Variants in MAP3K7 observed in about 807,000 individuals in gnomAD.
The protein encoded by MAP3K7 is TGF-beta activated kinase 1.
Under a neutral mutation model 84.8 loss-of-function variants are expected in MAP3K7, and 21 were observed. The observed-to-expected ratio is 0.25, with a 90% CI of 0.18 to 0.36. The LOEUF (loss-of-function observed/expected upper bound fraction) is 0.36, where lower values mean the gene tolerates loss of function less well. Ranked by LOEUF, MAP3K7 falls within the 10% of genes least tolerant of loss-of-function variation. The probability of loss-of-function intolerance (pLI) is 1.00; values close to 1 mark genes in which losing one functional copy is unlikely to be tolerated. For missense variants in MAP3K7, 503 were observed against 747.7 expected (o/e 0.67, Z 3.82); for synonymous variants, 241 against 247.7 (o/e 0.97, Z 0.25).
At chr6:90,573,789 A>C (rs1405912325) in intron 1 of MAP3K7, among the ~76,000 whole-genome samples, 1 of 152,226 alleles carries the variant, frequency 6.6e-6, no homozygotes, top group Non-Finnish European at 1.5e-5. Flanking sequence ...GCTTAAAGGA[A>C]ATGGGGCTGC....
At chr6:90,570,033 T>C (rs1043153734) in intron 2 of MAP3K7, among the ~76,000 whole-genome samples, 1 of 152,116 alleles carries the variant, frequency 6.6e-6, no homozygotes, top group East Asian at 1.9e-4. Flanking sequence ...TTTATTATAT[T>C]TATTTACTAT....
At chr6:90,583,518 T>C (rs1777347571) in intron 1 of MAP3K7, among the ~76,000 whole-genome samples, 2 of 152,340 alleles carry the variant, frequency 1.3e-5, no homozygotes, top group Non-Finnish European at 2.9e-5. Flanking sequence ...GGTCACCAAC[T>C]GAATTCTATA....
chr6:90,523,416 G>A (rs774223523), intron 14 of MAP3K7, among the ~76,000 whole-genome samples: 17 of 151,522 alleles, frequency 1.1e-4, no homozygotes, highest in South Asian at 2.1e-4. Context: ...AATACGCTTC[G>A]CAACTGGAAA....
At chr6:90,530,878 T>C (rs1775486725) in intron 13 of MAP3K7, among the ~76,000 whole-genome samples, 2 of 152,310 alleles carry the variant, frequency 1.3e-5, no homozygotes, top group South Asian at 4.1e-4. Flanking sequence ...AGTACTTATT[T>C]TTTAAAATCA....
chr6:90,582,149 T>C (rs751354228), intron 1 of MAP3K7, among the ~76,000 whole-genome samples: 1 of 152,200 alleles, frequency 6.6e-6, no homozygotes, highest in Non-Finnish European at 1.5e-5. Context: ...ACTCATAGCA[T>C]CTGGCCCTTT....
intron 12 of MAP3K7, among the ~76,000 whole-genome samples, chr6:90,540,607 T>C (rs1775825104): frequency 6.6e-6 from 1 of 151,960 alleles, no homozygotes; most frequent in African/African-American, 2.4e-5. Flanking sequence ...AGGTGGTAAG[T>C]ATATATGTAT....
intron 13 of MAP3K7, among the ~76,000 whole-genome samples, chr6:90,525,372 T>C (rs1167029753): frequency 6.6e-6 from 1 of 152,122 alleles, no homozygotes; most frequent in Non-Finnish European, 1.5e-5. Context: ...TTTTTTTTTG[T>C]AGAAATGGGT....
intron 1 of MAP3K7, among the ~76,000 whole-genome samples, chr6:90,576,729 G>T (rs1777096679): frequency 1.3e-5 from 2 of 152,132 alleles, no homozygotes; most frequent in African/African-American, 4.8e-5. Context: ...TATGCACTCT[G>T]CCTCACTCCA....
At chr6:90,556,802 A>G (rs1270948022) in intron 5 of MAP3K7, among the ~76,000 whole-genome samples, 178 bp from the exon 6 acceptor site, 1 of 152,210 alleles carries the variant, frequency 6.6e-6, no homozygotes, top group East Asian at 1.9e-4. Context: ...CAGAGAAATA[A>G]TAAGCAAAAA....
At chr6:90,552,408 C>G (rs1776211242) in intron 7 of MAP3K7, among the ~76,000 whole-genome samples, 1 of 152,132 alleles carries the variant, frequency 6.6e-6, no homozygotes, top group Admixed American at 6.5e-5. Flanking sequence ...AGAAAGCAAG[C>G]AAGCAAGCTG....
chr6:90,527,151 G>A (rs974846023), intron 13 of MAP3K7, among the ~76,000 whole-genome samples: 2 of 152,120 alleles, frequency 1.3e-5, no homozygotes, highest in Non-Finnish European at 2.9e-5. Context: ...ACAGATTAAA[G>A]GACAAAACCT....
At chr6:90,530,143 T>C (rs1215972371) in intron 13 of MAP3K7, among the ~76,000 whole-genome samples, 1 of 152,210 alleles carries the variant, frequency 6.6e-6, no homozygotes, top group African/African-American at 2.4e-5. Flanking sequence ...ATAACTGCTA[T>C]TATAAATCAA....
chr6:90,544,457 T>C lies in MAP3K7; in HGVS notation c.1291+95A>G. On this transcript the variant is annotated intron_variant, in intron 12 of 16. Transcript: ENST00000369329. Reference sequence around the variant, plus strand: ...TGCATGCAAGGTATCCATTTTCATGTCTTGTAAAAATTGGAGCAAGAAGCA... The same window carrying C: ...TGCATGCAAGGTATCCATTTTCATGCCTTGTAAAAATTGGAGCAAGAAGCA... 3.8e-6 allele frequency: 4 copies of C among 1,042,502 alleles called. No individual in the cohort carries two copies. The East Asian group carries it at 9.6e-5, about 25-fold the overall frequency. The allele number at this position is 1,042,502 out of a possible 1,614,324, so 64.6% of individuals were successfully genotyped here.
At chr6:90,569,986 T>C (rs1196188252) in intron 2 of MAP3K7, among the ~76,000 whole-genome samples, 1 of 152,132 alleles carries the variant, frequency 6.6e-6, no homozygotes, top group Non-Finnish European at 1.5e-5. Flanking sequence ...AGAGCCAACA[T>C]GTGTGGATTT....
intron 13 of MAP3K7, 37 bp downstream of exon 13, chr6:90,536,300 T>C (rs1775675397): frequency 1.3e-6 from 2 of 1,528,370 alleles, no homozygotes; most frequent in African/African-American, 1.4e-5. Flanking sequence ...TTCTGCCTAG[T>C]ATTCTTCAAA....
intron 13 of MAP3K7, among the ~76,000 whole-genome samples, chr6:90,535,505 CAT>C (rs1775642483): frequency 6.6e-6 from 1 of 151,842 alleles, no homozygotes; most frequent in Non-Finnish European, 1.5e-5. Context: ...ATGCTGCTCT[CAT>C]AAAACTTATT....
At chr6:90,573,475 A>G (rs1776973248) in intron 1 of MAP3K7, among the ~76,000 whole-genome samples, 2 of 152,360 alleles carry the variant, frequency 1.3e-5, no homozygotes, top group South Asian at 4.1e-4. Context: ...CACTCTAGCC[A>G]TAGCTTAAAT....
Position 90,516,246 on chromosome 6 carries a change from T to C in MAP3K7, c.*255A>G, listed in dbSNP as rs1774956491. The C allele has an allele frequency of 5.7e-6, 3 of 522,070 alleles. No individual in the cohort carries two copies. Among genetic ancestry groups the C allele is most frequent in the Admixed American group, 7.2e-5 (2 of 27,714 alleles). 32.3% of individuals were successfully genotyped at this position (522,070 alleles called of 1,614,324 possible). A position where few individuals can be genotyped will look rare whatever the true frequency, so the allele number is the denominator to read the frequency against. ...GCATGCATATACAGCCACAGTTCAC[T>C]GCATCTGTTTTGAAGTTGCAAAGTG... On this transcript the variant is annotated 3_prime_UTR_variant, in exon 17 of 17. Transcript: ENST00000369329.
At chr6:90,552,612 C>T (rs1776216172) in intron 7 of MAP3K7, among the ~76,000 whole-genome samples, 1 of 152,148 alleles carries the variant, frequency 6.6e-6, no homozygotes, top group South Asian at 2.1e-4. Flanking sequence ...CCATTAGTCA[C>T]ATGATTATAA....
Sources: gnomAD v4.1 joint callset for allele counts (sites outside exome capture counted in the v4.1 genomes callset) on GRCh38, gnomAD v4.1.1 for gene constraint, MANE v1.5 for transcripts, NCBI Gene and HGNC (gene_info 2026-07-23, HGNC 2026-07-21) for gene names.